MORC3: variants seen among roughly 807,000 people sequenced by gnomAD.
MORC3 encodes the protein MORC family CW-type zinc finger 3, also known as MORC family CW-type zinc finger protein 3.
In MORC3, 31 loss-of-function variants were observed where a neutral mutation model predicts 109.1. That is an observed-to-expected ratio of 0.28 (90% confidence interval 0.21 to 0.38). The LOEUF is 0.38. Among genes scored for constraint, MORC3 ranks in the 10% least tolerant of loss-of-function variants. The pLI is 1.00. For missense variants in MORC3, 867 were observed against 1,135.8 expected, an observed-to-expected ratio of 0.76 and a Z score of 3.40; for synonymous variants, 395 against 380.7, an observed-to-expected ratio of 1.04 and a Z score of -0.44.
chr21:36,359,892 C>T, intron 10 of MORC3, 63 bp from the exon 11 acceptor site: 2 of 1,574,290 alleles, frequency 1.3e-6, no homozygotes. Context: ...TGATGTGGAA[C>T]ATCTGATGAA....
intron 3 of MORC3, among the ~76,000 whole-genome samples, chr21:36,337,275 A>G (rs537929428): frequency 1.3e-5 from 2 of 152,256 alleles, no homozygotes; most frequent in African/African-American, 2.4e-5. Context: ...TGATAACTTT[A>G]GTGTAAATTA....
intron 6 of MORC3, among the ~76,000 whole-genome samples, chr21:36,343,416 T>C (rs1052796671): frequency 6.6e-6 from 1 of 151,408 alleles, no homozygotes; most frequent in Non-Finnish European, 1.5e-5. Flanking sequence ...TTTAGTTGTT[T>C]TGATAAGACA....
chr21:36,321,411 T>C (rs1455069504), intron 1 of MORC3, among the ~76,000 whole-genome samples: 1 of 152,238 alleles, frequency 6.6e-6, no homozygotes, highest in African/African-American at 2.4e-5. Flanking sequence ...TGTTTTTCTT[T>C]TGGGAGGATC....
chr21:36,344,122 T>G (rs913708164), intron 6 of MORC3, among the ~76,000 whole-genome samples: 2 of 152,020 alleles, frequency 1.3e-5, no homozygotes, highest in Non-Finnish European at 2.9e-5. Context: ...GTTTTAGTTT[T>G]GTGTTGAATC....
chr21:36,322,256 T>G (rs2085202333), intron 1 of MORC3, among the ~76,000 whole-genome samples: 1 of 151,764 alleles, frequency 6.6e-6, no homozygotes, highest in Non-Finnish European at 1.5e-5. Context: ...GAAACATTAT[T>G]TGCTTATAGT....
chr21:36,372,149 A>G (rs1201851503), intron 15 of MORC3, among the ~76,000 whole-genome samples: 2 of 151,808 alleles, frequency 1.3e-5, no homozygotes, highest in African/African-American at 2.4e-5. Context: ...TTTTTTTTAA[A>G]TCAAGTGGTA....
At chr21:36,350,509 A>G (rs543136741) in intron 9 of MORC3, among the ~76,000 whole-genome samples, 62 of 149,588 alleles carry the variant, frequency 4.1e-4, no homozygotes, top group African/African-American at 1.5e-3. Flanking sequence ...GTGTCACTGC[A>G]TTCCCGCGCT....
chr21:36,323,787 G>T (rs139980439), intron 1 of MORC3, among the ~76,000 whole-genome samples: 1 of 151,742 alleles, frequency 6.6e-6, no homozygotes, highest in Non-Finnish European at 1.5e-5. Flanking sequence ...AATTTTCTTC[G>T]CACCATTTTT....
chr21:36,370,910 C>A (rs998247984), intron 15 of MORC3, among the ~76,000 whole-genome samples: 1 of 151,894 alleles, frequency 6.6e-6, no homozygotes, highest in Non-Finnish European at 1.5e-5. Context: ...ATCAAGTGAT[C>A]CACCCATCTT....
intron 1 of MORC3, among the ~76,000 whole-genome samples, chr21:36,322,514 C>G (rs1288487717): frequency 6.6e-6 from 1 of 151,950 alleles, no homozygotes; most frequent in Non-Finnish European, 1.5e-5. Flanking sequence ...TGGGTTTACA[C>G]GCGTGGGCCA....
At chr21:36,351,687 A>G (rs1425705135) in intron 9 of MORC3, among the ~76,000 whole-genome samples, 1 of 152,182 alleles carries the variant, frequency 6.6e-6, no homozygotes, top group Non-Finnish European at 1.5e-5. Flanking sequence ...TCGTTAATGG[A>G]TGCTGACAAG....
chr21:36,328,938 G>A (rs1300511203), intron 1 of MORC3, among the ~76,000 whole-genome samples: 2 of 149,278 alleles, frequency 1.3e-5, no homozygotes, highest in East Asian at 2.0e-4. Flanking sequence ...AAATTGTAAC[G>A]ATAGCTGATG....
In MORC3 at chr21:36,365,137, G is replaced by A. The variant is rs541851795; in HGVS notation, c.1619+878G>A. On this transcript the variant is annotated intron_variant, in intron 14 of 16. Coordinates refer to ENST00000400485, the MANE Select transcript of MORC3 (RefSeq NM_015358.3). ...TTCTTTGCAAAGCCTATGGCACACT[G>A]TAGGCACTTAATTTATTGGAGGAGT... 1.4e-4 allele frequency among the ~76,000 whole-genome samples: 21 copies of A among 151,882 alleles called. No homozygotes were observed. The South Asian group carries it at 3.5e-3, about 26-fold the overall frequency.
chr21:36,356,807 C>T, intron 10 of MORC3, 83 bp downstream of exon 10: 1 of 838,614 alleles, frequency 1.2e-6, no homozygotes, highest in Admixed American at 3.0e-5. Flanking sequence ...CAATGTTTCA[C>T]AAACTTAGGA....
At chr21:36,347,007 T>TAAAAA (rs754081259) in intron 8 of MORC3, among the ~76,000 whole-genome samples, 1 of 113,684 alleles carries the variant, frequency 8.8e-6, no homozygotes, top group African/African-American at 3.1e-5. Context: ...CCCTGTCTCT[T>TAAAAA]AAAAAAAAAA....
chr21:36,324,379 G>A (rs1176089290), intron 1 of MORC3, among the ~76,000 whole-genome samples: 3 of 151,140 alleles, frequency 2.0e-5, no homozygotes, highest in Admixed American at 1.3e-4. Context: ...CCAGGTTCAC[G>A]CCATTCTCCT....
intron 6 of MORC3, 72 bp from the exon 7 acceptor site, chr21:36,344,507 C>T: frequency 6.7e-7 from 1 of 1,489,728 alleles, no homozygotes; most frequent in Non-Finnish European, 9.1e-7. Flanking sequence ...AGGAGAGCTT[C>T]TGTGTAAATC....
At chr21:36,360,408 AC>A in intron 12 of MORC3, 150 bp downstream of exon 12, 1 of 733,882 alleles carries the variant, frequency 1.4e-6, no homozygotes, top group Non-Finnish European at 2.2e-6. Flanking sequence ...GGCTTTAAAA[AC>A]AAAAACTTAT....
intron 14 of MORC3, among the ~76,000 whole-genome samples, chr21:36,364,604 A>AGGCTGC (rs1434969424): frequency 4.6e-5 from 7 of 151,892 alleles, no homozygotes; most frequent in Non-Finnish European, 1.0e-4. Flanking sequence ...GCTGAGGCTG[A>AGGCTGC]GGCTGCACCC....
Sources: allele counts gnomAD v4.1 joint callset (sites outside exome capture counted in the v4.1 genomes callset), GRCh38; gene constraint gnomAD v4.1.1; transcripts MANE v1.5; gene names NCBI Gene and HGNC (gene_info 2026-07-23, HGNC 2026-07-21).